Variants in C2CD3 observed in about 807,000 individuals in gnomAD.
The protein encoded by C2CD3 is C2 domain containing 3 centriole elongation regulator.
A neutral mutation model predicts 234.0 loss-of-function variants in C2CD3; 148 were observed. The observed-to-expected ratio is 0.63, with a 90% CI of 0.55 to 0.72. The LOEUF (loss-of-function observed/expected upper bound fraction) is 0.72. Among genes scored for constraint, C2CD3 ranks in the 30% least tolerant of loss-of-function variants. The pLI is 0.00. For missense variants in C2CD3, 2,577 were observed against 2,811.5 expected (o/e 0.92, Z 1.89); for synonymous variants, 1,000 against 1,035.4 (o/e 0.97, Z 0.66).
intron 31 of C2CD3, among the ~76,000 whole-genome samples, chr11:74,032,573 T>A (rs1352010300): frequency 1.3e-5 from 2 of 152,148 alleles, no homozygotes; most frequent in Admixed American, 6.5e-5. Flanking sequence ...CTTCCTTTTT[T>A]AAAAAAATTT....
intron 3 of C2CD3, among the ~76,000 whole-genome samples, chr11:74,149,056 C>T (rs1407835733): frequency 1.3e-5 from 2 of 152,186 alleles, no homozygotes; most frequent in African/African-American, 4.8e-5. Flanking sequence ...TACCTGATTC[C>T]TGTGGTATTT....
In C2CD3 at chr11:74,078,389, A is replaced by G; in HGVS notation, c.4329T>C (p.Asp1443=). The stretch of plus-strand genomic sequence containing the variant: ...TGAGAGGGGTCCAAAAGGCTTCATG[A>G]TCATAGAACTTGTAGCGAAGGTAGC... ...TYCYLRYKFY[D]HEAFWTPLKK... The change falls in exon 23 of 33, where the codon GAT becomes GAC. Residue 1443 remains aspartate, a synonymous_variant. Transcript: ENST00000334126. The G allele has an allele frequency of 6.2e-7, 1 of 1,614,128 alleles. No individual in the cohort carries two copies. Among genetic ancestry groups the G allele is most frequent in the East Asian group, 2.2e-5 (1 of 44,882 alleles).
chr11:74,047,564 T>C lies in C2CD3; in HGVS notation c.5495+641A>G, dbSNP rs543485571. ...CTGAATTGGGCCTTAGAATGTTACA[T>C]GATATTAGTGTCTTCTTGGAATAAA... is the stretch of plus-strand genomic sequence containing the variant. On this transcript the variant is annotated intron_variant, in intron 28 of 32. Transcript: ENST00000334126. Among the ~76,000 whole-genome samples, 12 of 152,324 alleles carry C rather than the reference T, an allele frequency of 7.9e-5. No individual in the cohort carries two copies. In the South Asian group the frequency reaches 2.1e-3, roughly 26 times the overall value.
At chr11:74,151,994 G>A (rs963328067) in intron 3 of C2CD3, among the ~76,000 whole-genome samples, 1 of 152,136 alleles carries the variant, frequency 6.6e-6, no homozygotes, top group African/African-American at 2.4e-5. Context: ...TGAATATAGA[G>A]TAATAGTAAC....
chr11:74,130,570 T>C (rs1392422209), intron 7 of C2CD3, among the ~76,000 whole-genome samples: 1 of 152,126 alleles, frequency 6.6e-6, no homozygotes, highest in Non-Finnish European at 1.5e-5. Flanking sequence ...ATCCAGTTGT[T>C]CCAGCACCAT....
At position 74,066,171 on chromosome 11, in the gene C2CD3, A is replaced by G. The variant is rs998069086; in HGVS notation, c.4951+8082T>C. 8.8e-5 allele frequency among the ~76,000 whole-genome samples: 13 copies of G among 148,510 alleles called. No individual in the cohort carries two copies. In the East Asian group the frequency reaches 2.6e-3, roughly 29 times the overall value. On this transcript the variant is annotated intron_variant, in intron 24 of 32. Coordinates refer to ENST00000334126, the MANE Select transcript of C2CD3 (RefSeq NM_001286577.2). Reference sequence around the variant, plus strand: ...AGGTACATGGATGAAGCTAGAAACCATCATTCTGAGCAAACTATCTCAAGG... The same window carrying G: ...AGGTACATGGATGAAGCTAGAAACCGTCATTCTGAGCAAACTATCTCAAGG...
chr11:74,166,128 G>A (rs534454070), intron 2 of C2CD3, among the ~76,000 whole-genome samples: 1 of 152,142 alleles, frequency 6.6e-6, no homozygotes, highest in South Asian at 2.1e-4. Context: ...GGCTAACACG[G>A]TGAAACCCCA....
Position 74,109,875 on chromosome 11 carries a change from A to T in C2CD3, c.1844-723T>A, listed in dbSNP as rs1590827613. On this transcript the variant is annotated intron_variant, in intron 11 of 32. Coordinates refer to ENST00000334126, the MANE Select transcript of C2CD3 (RefSeq NM_001286577.2). ...ATCACGAGGTCAGGAGATCAAGACC[A>T]TCCTGGCTAACATGGTGAAACCCCG... Among the ~76,000 whole-genome samples, 3 of 152,022 alleles carry T rather than the reference A, an allele frequency of 2.0e-5. No homozygotes were observed. In the East Asian group the frequency reaches 5.8e-4, roughly 29 times the overall value.
At chr11:74,126,514 C>T (rs967770749) in intron 7 of C2CD3, among the ~76,000 whole-genome samples, 2 of 151,844 alleles carry the variant, frequency 1.3e-5, no homozygotes, top group Non-Finnish European at 2.9e-5. Context: ...AGGCCGAGGC[C>T]GGCGGAAGAC....
intron 24 of C2CD3, 34 bp downstream of exon 24, chr11:74,074,219 T>A (rs184615517): frequency 6.9e-7 from 1 of 1,457,402 alleles, no homozygotes; most frequent in Admixed American, 1.7e-5. Flanking sequence ...CCTGAAGAGT[T>A]AGACATGCTC....
intron 3 of C2CD3, among the ~76,000 whole-genome samples, chr11:74,143,017 T>G (rs1854910405): frequency 6.6e-6 from 1 of 152,192 alleles, no homozygotes; most frequent in African/African-American, 2.4e-5. Flanking sequence ...CACCTACACT[T>G]GCCAGGCTAA....
At chr11:74,014,508 T>C (rs1951808757) in intron 32 of C2CD3, among the ~76,000 whole-genome samples, 2 of 152,204 alleles carry the variant, frequency 1.3e-5, no homozygotes, top group South Asian at 4.1e-4. Flanking sequence ...GTTCTGCTCA[T>C]GAGAAACTGA....
chr11:74,085,012 T>A, intron 21 of C2CD3, 42 bp from the exon 22 acceptor site: 1 of 1,115,724 alleles, frequency 9.0e-7, no homozygotes, highest in Non-Finnish European at 1.4e-6. Context: ...TGATGGTCTA[T>A]TCATCAAGGG....
At position 74,067,082 on chromosome 11, in the gene C2CD3, T is replaced by C. The variant is rs1004643066; in HGVS notation, c.4951+7171A>G. On this transcript the variant is annotated intron_variant, in intron 24 of 32. Transcript: ENST00000334126. Reference sequence around the variant, plus strand: ...CTGTTCCCAAATATTGGTTAAAAAATTGACATGCTATTATTTAATCTTGTG... The same window carrying C: ...CTGTTCCCAAATATTGGTTAAAAAACTGACATGCTATTATTTAATCTTGTG... 1.2e-4 allele frequency among the ~76,000 whole-genome samples: 18 copies of C among 152,158 alleles called. 2 individuals carry two copies. The highest frequency in any genetic ancestry group is 1.1e-3 in the Admixed American group (17 of 15,264).
Position 74,034,221 on chromosome 11 carries a change from C to G in C2CD3, c.5939G>C (p.Ser1980Thr), listed in dbSNP as rs1952630034. 1 of 1,536,234 alleles carries G rather than the reference C, an allele frequency of 6.5e-7. No individual in the cohort carries two copies. The highest frequency in any genetic ancestry group is 2.4e-5 in the East Asian group (1 of 40,916). ...QAALSSHRAR[S>T]RSNKATTLPD... ...GAGGGTGGTGGCCTTGTTGCTTCTA[C>G]TCCTGGCTCGGTGAGAACTCAAAGC... The change falls in exon 31 of 33, where the codon AGT becomes ACT. Residue 1980 changes from serine to threonine, a missense_variant. Physicochemically the swap from Ser to Thr is moderately conservative, Grantham distance 58. Coordinates refer to ENST00000334126, the MANE Select transcript of C2CD3 (RefSeq NM_001286577.2).
intron 3 of C2CD3, among the ~76,000 whole-genome samples, chr11:74,147,026 G>A (rs571962491): frequency 2.2e-4 from 33 of 151,630 alleles, no homozygotes; most frequent in African/African-American, 8.0e-4. Flanking sequence ...GCTCCAGCCT[G>A]GATGACAGAG....
chr11:74,060,219 G>A (rs1039523584), intron 24 of C2CD3, among the ~76,000 whole-genome samples: 20 of 152,248 alleles, frequency 1.3e-4, no homozygotes, highest in African/African-American at 4.3e-4. Context: ...AAAGGCAACA[G>A]AAACTTCTGC....
At chr11:74,043,891 A>G (rs1953211472) in intron 28 of C2CD3, among the ~76,000 whole-genome samples, 1 of 151,994 alleles carries the variant, frequency 6.6e-6, no homozygotes, top group African/African-American at 2.4e-5. Flanking sequence ...GCTGGAGTGC[A>G]TGGCTCAATG....
chr11:74,146,784 G>T (rs1855231971), intron 3 of C2CD3, among the ~76,000 whole-genome samples: 1 of 147,104 alleles, frequency 6.8e-6, no homozygotes, highest in Admixed American at 6.9e-5. Context: ...CAGGCGCGGT[G>T]GCTCACGTCT....
Sources: allele counts gnomAD v4.1 joint callset (sites outside exome capture counted in the v4.1 genomes callset), GRCh38; gene constraint gnomAD v4.1.1; transcripts MANE v1.5; gene names NCBI Gene and HGNC (gene_info 2026-07-23, HGNC 2026-07-21).